Variants in CNTLN observed in about 807,000 individuals in gnomAD.
The protein encoded by CNTLN is centlein.
A neutral mutation model predicts 180.0 loss-of-function variants in CNTLN; 212 were observed. The ratio of observed to expected loss-of-function variants is 1.18; its 90% CI spans 1.05 to 1.32. The LOEUF (loss-of-function observed/expected upper bound fraction) is 1.32, where lower values mean the gene tolerates loss of function less well. Among genes scored for constraint, CNTLN ranks in the 40% most tolerant of loss-of-function variants. The probability of loss-of-function intolerance (pLI) is 0.00; values close to 1 mark genes in which losing one functional copy is unlikely to be tolerated. For missense variants in CNTLN, 2,095 were observed against 1,610.9 expected (o/e 1.30, Z -5.14); for synonymous variants, 722 against 563.1 (o/e 1.28, Z -3.99).
chr9:17,376,514 C>T (rs1401963532), intron 13 of CNTLN, among the ~76,000 whole-genome samples: 3 of 150,982 alleles, frequency 2.0e-5, no homozygotes, highest in Admixed American at 6.6e-5. Flanking sequence ...TGCAGTGGCG[C>T]CATCTCGTCT....
chr9:17,271,725 C>G (rs1180032738), intron 5 of CNTLN, among the ~76,000 whole-genome samples: 2 of 152,090 alleles, frequency 1.3e-5, no homozygotes, highest in Non-Finnish European at 2.9e-5. Context: ...TCCACAGACA[C>G]TTATCAACAG....
chr9:17,189,994 C>T (rs541656332), intron 2 of CNTLN, among the ~76,000 whole-genome samples: 25 of 151,640 alleles, frequency 1.6e-4, no homozygotes, highest in Non-Finnish European at 2.2e-4. Flanking sequence ...TCAGAACTTC[C>T]GGAACTCTCT....
intron 8 of CNTLN, among the ~76,000 whole-genome samples, 160 bp downstream of exon 8, chr9:17,309,412 C>T (rs1049094028): frequency 2.6e-5 from 4 of 151,990 alleles, no homozygotes; most frequent in African/African-American, 9.7e-5. Flanking sequence ...TGTTTGTAGG[C>T]ATGAATATTA....
chr9:17,309,357 G>T (rs929158163), intron 8 of CNTLN, 105 bp downstream of exon 8: 3 of 901,912 alleles, frequency 3.3e-6, no homozygotes, highest in Non-Finnish European at 4.8e-6. Flanking sequence ...ATTTATTGGA[G>T]TATAAGAAGT....
intron 2 of CNTLN, among the ~76,000 whole-genome samples, chr9:17,200,139 G>C (rs1486477336): frequency 2.6e-5 from 4 of 152,166 alleles, no homozygotes; most frequent in Non-Finnish European, 5.9e-5. Context: ...GCAAAGATCA[G>C]ATGGTTGTAG....
chr9:17,350,114 G>A (rs959023505), intron 12 of CNTLN, among the ~76,000 whole-genome samples: 5 of 152,126 alleles, frequency 3.3e-5, no homozygotes, highest in Admixed American at 2.6e-4. Flanking sequence ...GAAAGTATTA[G>A]TAAAAAAAGT....
At chr9:17,375,047 A>T (rs963210474) in intron 13 of CNTLN, among the ~76,000 whole-genome samples, 13 of 152,346 alleles carry the variant, frequency 8.5e-5, no homozygotes, top group African/African-American at 3.1e-4. Flanking sequence ...GAATGGATAA[A>T]ATGAATGTGG....
intron 23 of CNTLN, among the ~76,000 whole-genome samples, chr9:17,478,012 C>T (rs2134276328): frequency 6.6e-6 from 1 of 152,318 alleles, no homozygotes; most frequent in South Asian, 2.1e-4. Context: ...CAGCTGTCAG[C>T]AACCATCACC....
At chr9:17,196,626 T>C (rs1235363293) in intron 2 of CNTLN, among the ~76,000 whole-genome samples, 1 of 151,448 alleles carries the variant, frequency 6.6e-6, no homozygotes, top group Non-Finnish European at 1.5e-5. Flanking sequence ...GTGGATTCAC[T>C]TAAGATTTTT....
At chr9:17,477,614 T>C (rs1328848080) in intron 23 of CNTLN, among the ~76,000 whole-genome samples, 2 of 152,170 alleles carry the variant, frequency 1.3e-5, no homozygotes, top group African/African-American at 4.8e-5. Flanking sequence ...AAACTGCAGA[T>C]GTGGTAGAAA....
chr9:17,430,536 A>G (rs2133977828), intron 18 of CNTLN, among the ~76,000 whole-genome samples: 1 of 152,092 alleles, frequency 6.6e-6, no homozygotes, highest in East Asian at 1.9e-4. Context: ...TCAAAAATTT[A>G]TTTCTTTGTG....
chr9:17,374,723 G>A (rs1321754144), intron 13 of CNTLN, among the ~76,000 whole-genome samples: 1 of 152,012 alleles, frequency 6.6e-6, no homozygotes, highest in Non-Finnish European at 1.5e-5. Flanking sequence ...GAGGGGTGTG[G>A]TGGCACACAC....
chr9:17,344,150 G>A (rs559909624), intron 12 of CNTLN, among the ~76,000 whole-genome samples: 1 of 151,468 alleles, frequency 6.6e-6, no homozygotes, highest in Non-Finnish European at 1.5e-5. Context: ...TTGATTTGGA[G>A]TTTATTTTAT....
intron 2 of CNTLN, among the ~76,000 whole-genome samples, chr9:17,159,521 G>A (rs1819532600): frequency 6.6e-6 from 1 of 152,186 alleles, no homozygotes; most frequent in Non-Finnish European, 1.5e-5. Flanking sequence ...CCAAAGTAGA[G>A]CCTATATTCC....
chr9:17,157,142 C>T (rs894199823), intron 2 of CNTLN, among the ~76,000 whole-genome samples: 3 of 152,182 alleles, frequency 2.0e-5, no homozygotes, highest in African/African-American at 7.2e-5. Flanking sequence ...CATTGAGCAA[C>T]TTCAGCCAGC....
At chr9:17,250,354 T>A (rs1464250780) in intron 5 of CNTLN, among the ~76,000 whole-genome samples, 1 of 152,004 alleles carries the variant, frequency 6.6e-6, no homozygotes, top group Non-Finnish European at 1.5e-5. Context: ...ATTTAATTCA[T>A]ATATATTTAG....
intron 2 of CNTLN, among the ~76,000 whole-genome samples, chr9:17,191,683 C>T (rs911635355): frequency 2.0e-5 from 3 of 152,120 alleles, no homozygotes; most frequent in Non-Finnish European, 4.4e-5. Context: ...GCAGAGGCTT[C>T]ATGGAAAATT....
chr9:17,380,719 C>T lies in CNTLN; in HGVS notation c.1988-7443C>T, dbSNP rs150910199. Among the ~76,000 whole-genome samples the T allele has an allele frequency of 1.5e-4, 23 of 152,270 alleles. No individual in the cohort carries two copies. The East Asian group carries it at 4.3e-3, about 28-fold the overall frequency. ...ACAAACCATTTCTTACCATGTTCGT[C>T]ATTGAAAGTTGAGGGCTTGTGTATC... On this transcript the variant is annotated intron_variant, in intron 13 of 25. Transcript: ENST00000380647.
chr9:17,385,432 C>G (rs1376626970), intron 13 of CNTLN, among the ~76,000 whole-genome samples: 1 of 152,174 alleles, frequency 6.6e-6, no homozygotes, highest in Non-Finnish European at 1.5e-5. Flanking sequence ...CATCTTGAAC[C>G]TATCTAGGGG....
Sources: gnomAD v4.1 joint callset for allele counts (sites outside exome capture counted in the v4.1 genomes callset) on GRCh38, gnomAD v4.1.1 for gene constraint, MANE v1.5 for transcripts, NCBI Gene and HGNC (gene_info 2026-07-23, HGNC 2026-07-21) for gene names.